Variants in GALNT13 observed in about 807,000 individuals in gnomAD.
GALNT13 encodes polypeptide N-acetylgalactosaminyltransferase 13, also known as UDP-GalNAc:polypeptide N-acetylgalactosaminyltransferase 13.
Under a neutral mutation model 64.2 loss-of-function variants are expected in GALNT13, and 28 were observed. The observed-to-expected ratio is 0.44, with a 90% confidence interval of 0.32 to 0.60. GALNT13 has a LOEUF of 0.60. Ranked by LOEUF, GALNT13 falls within the 20% of genes least tolerant of loss-of-function variation. The probability of loss-of-function intolerance (pLI) is 0.05; values close to 1 mark genes in which losing one functional copy is unlikely to be tolerated. For synonymous variants in GALNT13, 214 were observed against 224.6 expected, an observed-to-expected ratio of 0.95 and a Z score of 0.42; for missense variants, 577 against 669.8, an observed-to-expected ratio of 0.86 and a Z score of 1.53.
the GALNT13 span, among the ~76,000 whole-genome samples, chr2:153,164,340 A>G: frequency 2.0e-5 from 3 of 152,180 alleles, no homozygotes; most frequent in Non-Finnish European, 4.4e-5. Flanking sequence ...GAGTGAGAAC[A>G]TCTCATGTAC....
chr2:153,295,973 A>T, the GALNT13 span, among the ~76,000 whole-genome samples: 1 of 152,156 alleles, frequency 6.6e-6, no homozygotes, highest in Non-Finnish European at 1.5e-5. Context: ...TCTGTTTGGC[A>T]TAGCAAGGGT....
At chr2:153,379,365 T>C in the GALNT13 span, among the ~76,000 whole-genome samples, 1 of 152,146 alleles carries the variant, frequency 6.6e-6, no homozygotes, top group East Asian at 1.9e-4. Context: ...TTGGAGACCA[T>C]CTAAGTGACC....
At chr2:153,854,845 T>C in the GALNT13 span, among the ~76,000 whole-genome samples, 1 of 152,182 alleles carries the variant, frequency 6.6e-6, no homozygotes, top group South Asian at 2.1e-4. Flanking sequence ...AGGGCCAAAA[T>C]AATCAGTTCA....
Position 154,127,632 on chromosome 2 carries a change from G to A in GALNT13, c.143-12705G>A, listed in dbSNP as rs192983021. On this transcript the variant is annotated intron_variant, in intron 3 of 12. Transcript: ENST00000392825. ...AGACCTTCTAAAAATATAGGAAGAA[G>A]TTTGGGTATGTGTGTGTAGATATGG... is the stretch of plus-strand genomic sequence containing the variant. 2.4e-4 allele frequency among the ~76,000 whole-genome samples: 37 copies of A among 151,108 alleles called. No individual in the cohort carries two copies. The East Asian group carries it at 6.7e-3, about 27-fold the overall frequency.
At chr2:153,145,540 T>G in the GALNT13 span, among the ~76,000 whole-genome samples, 1 of 151,916 alleles carries the variant, frequency 6.6e-6, no homozygotes, top group Non-Finnish European at 1.5e-5. Flanking sequence ...ACTTCTTAAT[T>G]GGATCATTTT....
the GALNT13 span, among the ~76,000 whole-genome samples, chr2:153,425,101 G>A: frequency 6.6e-6 from 1 of 151,490 alleles, no homozygotes; most frequent in Non-Finnish European, 1.5e-5. Flanking sequence ...TGTTTACTAA[G>A]AGTACAAAAA....
At chr2:153,851,969 A>G in the GALNT13 span, among the ~76,000 whole-genome samples, 24 of 152,288 alleles carry the variant, frequency 1.6e-4, no homozygotes, top group East Asian at 3.9e-3. Context: ...TTGGTATAAT[A>G]TTATTTGAAG....
chr2:154,233,503 T>G (rs568330258), intron 4 of GALNT13, among the ~76,000 whole-genome samples: 1 of 152,312 alleles, frequency 6.6e-6, no homozygotes, highest in African/African-American at 2.4e-5. Context: ...CTAGTAGTTC[T>G]TGATGCATGA....
At chr2:153,557,818 C>T in the GALNT13 span, among the ~76,000 whole-genome samples, 1 of 152,158 alleles carries the variant, frequency 6.6e-6, no homozygotes, top group East Asian at 1.9e-4. Flanking sequence ...TCCCTCTGGT[C>T]TTTGTACTTA....
chr2:153,956,686 C>T (rs1315773122), intron 3 of GALNT13, among the ~76,000 whole-genome samples: 1 of 152,074 alleles, frequency 6.6e-6, no homozygotes, highest in Non-Finnish European at 1.5e-5. Flanking sequence ...ATATTTTGAA[C>T]CTCCCTTTTA....
At chr2:154,258,562 T>C (rs572698705) in intron 7 of GALNT13, among the ~76,000 whole-genome samples, 1 of 152,186 alleles carries the variant, frequency 6.6e-6, no homozygotes, top group Non-Finnish European at 1.5e-5. Context: ...ATTTAATTTT[T>C]TTTATTTTTA....
At chr2:153,293,201 A>G in the GALNT13 span, among the ~76,000 whole-genome samples, 1 of 152,040 alleles carries the variant, frequency 6.6e-6, no homozygotes, top group Non-Finnish European at 1.5e-5. Flanking sequence ...CAAAGTTGTC[A>G]TCCCTGAAAC....
chr2:153,595,130 CT>C, the GALNT13 span, among the ~76,000 whole-genome samples: 11 of 151,814 alleles, frequency 7.2e-5, no homozygotes, highest in South Asian at 1.9e-3. Flanking sequence ...AGAAAATGTA[CT>C]TTTTTTGTAG....
chr2:153,759,877 A>G, the GALNT13 span, among the ~76,000 whole-genome samples: 31 of 152,206 alleles, frequency 2.0e-4, no homozygotes, highest in Admixed American at 5.2e-4. Flanking sequence ...AGATGGATTT[A>G]TATTAGTTCT....
chr2:153,081,588 A>G, the GALNT13 span, among the ~76,000 whole-genome samples: 1 of 152,128 alleles, frequency 6.6e-6, no homozygotes, highest in East Asian at 1.9e-4. Context: ...TCTGAGCTTT[A>G]TATCCCATAA....
chr2:153,615,689 G>T, the GALNT13 span, among the ~76,000 whole-genome samples: 2 of 151,924 alleles, frequency 1.3e-5, no homozygotes, highest in African/African-American at 4.8e-5. Context: ...TTGAGAAAAT[G>T]GAAATCTTTT....
intron 3 of GALNT13, among the ~76,000 whole-genome samples, chr2:154,062,931 A>G (rs1394532425): frequency 1.3e-5 from 2 of 151,910 alleles, no homozygotes; most frequent in Non-Finnish European, 2.9e-5. Context: ...CATAATTTTA[A>G]CAGTCATTTA....
At chr2:154,379,890 A>C (rs1372072689) in intron 9 of GALNT13, among the ~76,000 whole-genome samples, 1 of 152,030 alleles carries the variant, frequency 6.6e-6, no homozygotes, top group Admixed American at 6.6e-5. Flanking sequence ...TTAATAAAAC[A>C]CTTATCTTAA....
chr2:153,230,779 A>G, the GALNT13 span, among the ~76,000 whole-genome samples: 1 of 152,124 alleles, frequency 6.6e-6, no homozygotes, highest in African/African-American at 2.4e-5. Flanking sequence ...CCACCTTTTG[A>G]CACTGGCCTT....
Sources: gnomAD v4.1 joint callset for allele counts (sites outside exome capture counted in the v4.1 genomes callset) on GRCh38, gnomAD v4.1.1 for gene constraint, MANE v1.5 for transcripts, NCBI Gene and HGNC (gene_info 2026-07-23, HGNC 2026-07-21) for gene names.